The following DMD variants were observed in gnomAD, a reference collection of about 807,000 sequenced individuals.
DMD encodes dystrophin.
DMD carries 63 observed loss-of-function variants against 330.1 expected under a neutral mutation model. That is an observed-to-expected ratio of 0.19 (90% CI 0.16 to 0.24). DMD has a LOEUF of 0.24. Among genes scored for constraint, DMD ranks in the 10% least tolerant of loss-of-function variants. DMD has a pLI of 1.00. For synonymous variants in DMD, 1,223 were observed against 959.8 expected (o/e 1.27, Z -5.07); for missense variants, 3,344 against 2,684.1 (o/e 1.25, Z -5.43).
At chrX:33,167,232 GTTTA>G (rs916607808) in intron 1 of DMD, among the ~76,000 whole-genome samples, 4 of 111,471 alleles carry the variant, frequency 3.6e-5, no homozygotes, top group African/African-American at 1.3e-4. Flanking sequence ...CCTTGCTTCA[GTTTA>G]TTTTTCTATT....
At chrX:31,676,584 T>G (rs2148716826) in intron 53 of DMD, among the ~76,000 whole-genome samples, 1 of 112,056 alleles carries the variant, frequency 8.9e-6, no homozygotes, top group East Asian at 2.8e-4. Context: ...TATGGGGTTT[T>G]CTTGCTTTGT....
chrX:32,688,239 C>G (rs979396530), intron 9 of DMD, among the ~76,000 whole-genome samples: 6 of 111,082 alleles, frequency 5.4e-5, no homozygotes, highest in Admixed American at 9.6e-5. Context: ...ATCCTTGGTT[C>G]GCAAAAATTG....
At chrX:31,664,401 A>C (rs901774797) in intron 53 of DMD, among the ~76,000 whole-genome samples, 2 of 111,583 alleles carry the variant, frequency 1.8e-5, no homozygotes, top group African/African-American at 6.5e-5. Flanking sequence ...TGCCTATGGA[A>C]AGATTTAAGT....
intron 55 of DMD, among the ~76,000 whole-genome samples, chrX:31,626,538 C>T (rs757468811): frequency 9.0e-6 from 1 of 111,232 alleles, no homozygotes; most frequent in South Asian, 3.8e-4. Context: ...ACTAACTCAA[C>T]ACGCATTTTG....
At chrX:32,527,336 T>A (rs766340421) in intron 17 of DMD, among the ~76,000 whole-genome samples, 2 of 112,340 alleles carry the variant, frequency 1.8e-5, no homozygotes, top group African/African-American at 6.5e-5. Flanking sequence ...GCTGTATTTT[T>A]AAAAATCACC....
chrX:32,272,855 CT>C (rs1195887447), intron 43 of DMD, among the ~76,000 whole-genome samples: 2 of 111,884 alleles, frequency 1.8e-5, no homozygotes, highest in Non-Finnish European at 3.8e-5. Context: ...ATAATATCAG[CT>C]TTAAACTTAG....
At chrX:32,118,790 G>A (rs952605207) in intron 44 of DMD, among the ~76,000 whole-genome samples, 1 of 110,245 alleles carries the variant, frequency 9.1e-6, no homozygotes, top group Admixed American at 9.7e-5. Context: ...GGGTTGTGGG[G>A]AGAGGTGCGT....
At chrX:32,812,126 C>G (rs1369578282) in intron 6 of DMD, among the ~76,000 whole-genome samples, 1 of 111,027 alleles carries the variant, frequency 9.0e-6, no homozygotes, top group Non-Finnish European at 1.9e-5. Flanking sequence ...TCACAGACAC[C>G]TTTGAGAATC....
intron 61 of DMD, among the ~76,000 whole-genome samples, chrX:31,337,416 A>T (rs1056959255): frequency 8.9e-6 from 1 of 112,270 alleles, no homozygotes; most frequent in African/African-American, 3.2e-5. Context: ...AACCAGGAAC[A>T]GTTTATGTAA....
rs989777675 is a variant in DMD at position 32,862,014 on chromosome X, C to T, written c.94-12194G>A. ...ATCATATGTATCACTGGAACACCGT[C>T]GTCTTCTTTAATAGTGATATCAAAA... On this transcript the variant is annotated intron_variant, in intron 2 of 78. Coordinates refer to ENST00000357033, the MANE Select transcript of DMD (RefSeq NM_004006.3). Among the ~76,000 whole-genome samples, 8 of 111,787 alleles carry T rather than the reference C, an allele frequency of 7.2e-5. No individual in the cohort carries two copies. In the Admixed American group the frequency reaches 7.6e-4, roughly 11 times the overall value.
intron 4 of DMD, among the ~76,000 whole-genome samples, chrX:32,841,817 T>C (rs1395223649): frequency 1.8e-5 from 2 of 111,949 alleles, no homozygotes; most frequent in Non-Finnish European, 3.8e-5. Flanking sequence ...CATAAAAATA[T>C]AAAGTTTTAA....
chrX:31,424,744 A>G (rs1358950915), intron 60 of DMD, among the ~76,000 whole-genome samples: 1 of 112,643 alleles, frequency 8.9e-6, no homozygotes, highest in East Asian at 2.8e-4. Context: ...AAATAAAACA[A>G]CAGATAGTCT....
At chrX:33,130,884 C>A (rs1014091883) in intron 1 of DMD, among the ~76,000 whole-genome samples, 3 of 111,551 alleles carry the variant, frequency 2.7e-5, no homozygotes, top group Non-Finnish European at 5.6e-5. Context: ...TTTCACTGTT[C>A]TAGGAATTAA....
At chrX:32,973,053 C>T (rs961688893) in intron 2 of DMD, among the ~76,000 whole-genome samples, 4 of 111,243 alleles carry the variant, frequency 3.6e-5, no homozygotes, top group African/African-American at 1.3e-4. Flanking sequence ...AGTCTGGGCT[C>T]CCATGATTCT....
chrX:32,729,326 G>C (rs1243913374), intron 7 of DMD, among the ~76,000 whole-genome samples: 1 of 111,770 alleles, frequency 8.9e-6, no homozygotes, highest in African/African-American at 3.3e-5. Context: ...ATATATTTTG[G>C]GGCAAGTTTT....
At chrX:32,949,826 C>A (rs1269869632) in intron 2 of DMD, among the ~76,000 whole-genome samples, 1 of 87,191 alleles carries the variant, frequency 1.1e-5, no homozygotes, top group Non-Finnish European at 2.2e-5. Flanking sequence ...TGACAACAAT[C>A]AAAAACTCAT....
At chrX:32,761,561 T>C (rs2072297920) in intron 7 of DMD, among the ~76,000 whole-genome samples, 1 of 112,074 alleles carries the variant, frequency 8.9e-6, no homozygotes, top group African/African-American at 3.2e-5. Context: ...CAAAGTCAGA[T>C]GCCATAAATG....
At chrX:33,221,598 C>T (rs1011234549) in intron 1 of DMD, among the ~76,000 whole-genome samples, 1 of 109,871 alleles carries the variant, frequency 9.1e-6, no homozygotes, top group Non-Finnish European at 1.9e-5. Flanking sequence ...TTTTTCAAAA[C>T]GGTCAATAAA....
At position 31,627,740 on chromosome X, in the gene DMD, T is replaced by C. The variant is rs886043271; in HGVS notation, c.8150A>G (p.Asp2717Gly). Residue 2717 changes from aspartate to glycine, a missense_variant, in exon 55 of 79, where the codon GAT becomes GGT. Coordinates refer to ENST00000357033, the MANE Select transcript of DMD (RefSeq NM_004006.3). ...EAETTANVLQ[D>G]ATRKERLLED... ...TAGGAGCCTTTCCTTACGGGTAGCA[T>C]CCTGTAGGACATTGGCAGTTGTTTC... 4 of 1,211,286 alleles carry C rather than the reference T, an allele frequency of 3.3e-6. No homozygotes were observed. Among genetic ancestry groups the C allele is most frequent in the Non-Finnish European group, 4.5e-6 (4 of 895,305 alleles).
Sources: gnomAD v4.1 joint callset for allele counts (sites outside exome capture counted in the v4.1 genomes callset) on GRCh38, gnomAD v4.1.1 for gene constraint, MANE v1.5 for transcripts, NCBI Gene and HGNC (gene_info 2026-07-23, HGNC 2026-07-21) for gene names.